FOSL2: variants seen among roughly 807,000 people sequenced by gnomAD.
FOSL2 encodes fos-related antigen 2.
Under a neutral mutation model 27.7 loss-of-function variants are expected in FOSL2, and 3 were observed. The ratio of observed to expected loss-of-function variants is 0.11; its 90% CI spans 0.05 to 0.28. The LOEUF (loss-of-function observed/expected upper bound fraction) is 0.28, where lower values mean the gene tolerates loss of function less well. Ranked by LOEUF, FOSL2 falls within the 10% of genes least tolerant of loss-of-function variation. FOSL2 has a pLI of 1.00. For synonymous variants in FOSL2, 179 were observed against 190.1 expected (o/e 0.94, Z 0.48); for missense variants, 333 against 445.1 (o/e 0.75, Z 2.27).
Position 28,397,395 on chromosome 2 carries a change from C to CT in FOSL2, c.102+3583dup, listed in dbSNP as rs550204314. On this transcript the variant is annotated intron_variant, in intron 1 of 3. Coordinates refer to ENST00000264716, the MANE Select transcript of FOSL2 (RefSeq NM_005253.4). ...GAGGCATAGATTAAGGGTCTGGGTG[C>CT]TTTTTTTTTTCCCCTTGATGTTACA... Among the ~76,000 whole-genome samples the CT allele has an allele frequency of 1.6e-3, 232 of 147,602 alleles. 1 individual carries two copies. Among genetic ancestry groups the CT allele is most frequent in the African/African-American group, 3.4e-3 (139 of 40,394 alleles).
At chr2:28,396,809 C>CAA (rs1663849529) in intron 1 of FOSL2, 1 of 150,408 alleles carries the variant, frequency 6.6e-6, no homozygotes, top group Non-Finnish European at 1.5e-5. Context: ...CACACACACA[C>CAA]ACACACACAC....
intron 1 of FOSL2, among the ~76,000 whole-genome samples, chr2:28,397,322 C>G (rs1396918886): frequency 1.3e-5 from 2 of 151,764 alleles, no homozygotes; most frequent in East Asian, 1.9e-4. Context: ...GCATGTTTTC[C>G]TATGTGCTTA....
At position 28,415,232 on chromosome 2, in the gene FOSL2, T is replaced by C. The variant is rs1273591959; in HGVS notation, c.*2784T>C. On this transcript the variant is annotated 3_prime_UTR_variant, in exon 4 of 4. Transcript: ENST00000264716. The stretch of plus-strand genomic sequence containing the variant: ...CAGGGCGGGCGCTCTGATCAGCTCG[T>C]GTAAAACACACCGTCTTCTTGGCCT... 3.3e-5 allele frequency: 5 copies of C among 152,388 alleles called. No homozygotes were observed. Among genetic ancestry groups the C allele is most frequent in the African/African-American group, 1.2e-4 (5 of 41,560 alleles). The allele number at this position is 152,388 out of a possible 1,614,324, so 9.4% of individuals were successfully genotyped here.
intron 3 of FOSL2, 140 bp from the exon 4 acceptor site, chr2:28,411,790 A>T: frequency 2.5e-6 from 2 of 813,296 alleles, no homozygotes; most frequent in South Asian, 1.6e-5. Context: ...TGACTGAGAG[A>T]CTCAGACCAG....
In FOSL2 at chr2:28,412,159, C is replaced by G; in HGVS notation, c.692C>G (p.Pro231Arg). ...CAGGAGCCCCTGGAAGAGGACAGCC[C>G]CTCGTCCTCGTCGGCGGGGCTGGAC... ...VKQEPLEEDS[P>R]SSSSAGLDKA... The change falls in exon 4 of 4, where the codon CCC becomes CGC. Residue 231 changes from proline to arginine, a missense_variant. Physicochemically the swap from Pro to Arg is moderately radical, Grantham distance 103. Around this residue, in one of 4 missense-constraint regions of FOSL2, gnomAD observed 136 missense variants for 123.7 expected, o/e 1.10. Transcript: ENST00000264716. This position sits in a 1 kb window ranked among gnomAD's most constrained non-coding sequence, Gnocchi z 7.1. The G allele has an allele frequency of 6.2e-7, 1 of 1,607,794 alleles. No homozygotes were observed. The highest frequency in any genetic ancestry group is 8.5e-7 in the Non-Finnish European group (1 of 1,176,346).
Position 28,412,258 on chromosome 2 carries a change from C to A in FOSL2, c.791C>A (p.Pro264His). The change falls in exon 4 of 4, where the codon CCC (proline) becomes CAC (histidine). Residue 264 changes from proline to histidine, a missense_variant. Coordinates refer to ENST00000264716, the MANE Select transcript of FOSL2 (RefSeq NM_005253.4). The surrounding 1 kb of genome is among the most constrained non-coding windows in gnomAD (Gnocchi z 7.1). ...GFYGEEPLHT[P>H]IVVTSTPAVT... is the part of the protein sequence containing the mutation. ...TACGGTGAGGAGCCCCTGCACACCCCCATCGTGGTGACCTCCACACCTGCT... is the reference window on the plus strand; with the variant it reads ...TACGGTGAGGAGCCCCTGCACACCCACATCGTGGTGACCTCCACACCTGCT... 2 of 1,614,024 alleles carry A rather than the reference C, an allele frequency of 1.2e-6. No homozygotes were observed. Among genetic ancestry groups the A allele is most frequent in the South Asian group, 1.1e-5 (1 of 91,082 alleles).
Position 28,396,813 on chromosome 2 carries a change from C to CACACACACACACACAA in FOSL2, c.102+3006_102+3007insAACACACACACACACA, listed in dbSNP as rs1553376561. 29 of 148,494 alleles carry CACACACACACACACAA rather than the reference C, an allele frequency of 2.0e-4. 1 individual carries two copies. Among genetic ancestry groups the CACACACACACACACAA allele is most frequent in the African/African-American group, 6.8e-4 (26 of 38,084 alleles). The allele number at this position is 148,494 out of a possible 1,614,324, so 9.2% of individuals were successfully genotyped here. On this transcript the variant is annotated intron_variant, in intron 1 of 3. Transcript: ENST00000264716. ...AGACACACACACACACACACACACACACACACACACACACACACACACACA... is the reference window on the plus strand; with the variant it reads ...AGACACACACACACACACACACACACACACACACACACACAAACACACACACACACACACACACACA...
chr2:28,393,473 G>C lies in FOSL2; in HGVS notation c.-248G>C. ...ACTTTTTAGAGGGAGGGATCGGGTGGACAACTGGTCCCGCGGCGCTCGCAG... is the reference window on the plus strand; with the variant it reads ...ACTTTTTAGAGGGAGGGATCGGGTGCACAACTGGTCCCGCGGCGCTCGCAG... On this transcript the variant is annotated 5_prime_UTR_variant, in exon 1 of 4. Transcript: ENST00000264716. This position sits in a 1 kb window ranked among gnomAD's most constrained non-coding sequence, Gnocchi z 4.6. The C allele has an allele frequency of 2.1e-6, 1 of 473,754 alleles. No individual in the cohort carries two copies. Among genetic ancestry groups the C allele is most frequent in the Non-Finnish European group, 3.7e-6 (1 of 266,794 alleles). The allele number at this position is 473,754 out of a possible 1,614,324, so 29.3% of individuals were successfully genotyped here.
rs1664229301 is a variant in FOSL2 at position 28,412,719 on chromosome 2, T to C, written c.*271T>C. The C allele has an allele frequency of 4.2e-6, 2 of 473,080 alleles. No homozygotes were observed. Among genetic ancestry groups the C allele is most frequent in the African/African-American group, 3.8e-5 (2 of 52,176 alleles). The allele number at this position is 473,080 out of a possible 1,614,324, so 29.3% of individuals were successfully genotyped here. A position where few individuals can be genotyped will look rare whatever the true frequency, so the allele number is the denominator to read the frequency against. On this transcript the variant is annotated 3_prime_UTR_variant, in exon 4 of 4. Transcript: ENST00000264716. The surrounding 1 kb of genome is among the most constrained non-coding windows in gnomAD (Gnocchi z 7.1). Reference sequence around the variant, plus strand: ...CCTTGGAGAACTCGGTTTGGTAGACTTGGACATCTCTCTGGCTTCTGAAGA... The same window carrying C: ...CCTTGGAGAACTCGGTTTGGTAGACCTGGACATCTCTCTGGCTTCTGAAGA...
intron 1 of FOSL2, chr2:28,397,011 CAG>C (rs1336940552): frequency 6.6e-6 from 1 of 152,104 alleles, no homozygotes; most frequent in Non-Finnish European, 1.5e-5. Context: ...TTTCCAGTCC[CAG>C]AGAGTGTTAA....
At chr2:28,398,050 C>T (rs79600001) in intron 1 of FOSL2, among the ~76,000 whole-genome samples, 198 of 152,216 alleles carry the variant, frequency 1.3e-3, no homozygotes, top group African/African-American at 4.0e-3. Context: ...GCACCTTTGC[C>T]GTCAATAACT....
In FOSL2 at chr2:28,413,842, G is replaced by C; in HGVS notation, c.*1394G>C. ...GGCTTGTGGCTCATGCGCCATTCCTGGTTGTCTGTTGAATCTTTCTGGCTG... is the reference window on the plus strand; with the variant it reads ...GGCTTGTGGCTCATGCGCCATTCCTCGTTGTCTGTTGAATCTTTCTGGCTG... On this transcript the variant is annotated 3_prime_UTR_variant, in exon 4 of 4. Coordinates refer to ENST00000264716, the MANE Select transcript of FOSL2 (RefSeq NM_005253.4). 2.5e-6 allele frequency: 1 copy of C among 398,866 alleles called. No homozygotes were observed. Among genetic ancestry groups the C allele is most frequent in the Non-Finnish European group, 4.4e-6 (1 of 226,248 alleles). The allele number at this position is 398,866 out of a possible 1,614,324, so 24.7% of individuals were successfully genotyped here.
chr2:28,409,259 C>T (rs1412989275), intron 3 of FOSL2, among the ~76,000 whole-genome samples: 4 of 152,170 alleles, frequency 2.6e-5, no homozygotes, highest in Non-Finnish European at 4.4e-5. Flanking sequence ...GAGGTTCCAG[C>T]CACTCCCATG....
chr2:28,398,329 T>C (rs1269546839), intron 1 of FOSL2, among the ~76,000 whole-genome samples: 1 of 152,154 alleles, frequency 6.6e-6, no homozygotes, highest in African/African-American at 2.4e-5. Context: ...AGAGGGAAGG[T>C]ATAAGATTTC....
Position 28,413,342 on chromosome 2 carries a change from G to C in FOSL2, c.*894G>C. 2 of 397,438 alleles carry C rather than the reference G, an allele frequency of 5.0e-6. No homozygotes were observed. The highest frequency in any genetic ancestry group is 4.4e-6 in the Non-Finnish European group (1 of 225,932). 24.6% of individuals were successfully genotyped at this position (397,438 alleles called of 1,614,324 possible). A position where few individuals can be genotyped will look rare whatever the true frequency, so the allele number is the denominator to read the frequency against. On this transcript the variant is annotated 3_prime_UTR_variant, in exon 4 of 4. Coordinates refer to ENST00000264716, the MANE Select transcript of FOSL2 (RefSeq NM_005253.4). ...GAGTAGGGCGTCTCCTGTAATTACT[G>C]CCTTGCCATTCTGCCCCTGGACCCT... is the stretch of plus-strand genomic sequence containing the variant.
At position 28,399,726 on chromosome 2, in the gene FOSL2, G is replaced by C. The variant is rs186810310; in HGVS notation, c.103-4381G>C. Among the ~76,000 whole-genome samples, 16 of 152,268 alleles carry C rather than the reference G, an allele frequency of 1.1e-4. No homozygotes were observed. The East Asian group carries it at 2.9e-3, about 28-fold the overall frequency. On this transcript the variant is annotated intron_variant, in intron 1 of 3. Coordinates refer to ENST00000264716, the MANE Select transcript of FOSL2 (RefSeq NM_005253.4). Reference sequence around the variant, plus strand: ...GACTTTTTGCTTTCTTATTTCCTCTGTATTCGTTTCCCTCCAACCTGAGCA... The same window carrying C: ...GACTTTTTGCTTTCTTATTTCCTCTCTATTCGTTTCCCTCCAACCTGAGCA...
Position 28,412,257 on chromosome 2 carries a change from C to T in FOSL2, c.790C>T (p.Pro264Ser), listed in dbSNP as rs752720566. Reference protein sequence around the residue: ...GFYGEEPLHTPIVVTSTPAVT... With the variant: ...GFYGEEPLHTSIVVTSTPAVT... ...CTACGGTGAGGAGCCCCTGCACACC[C>T]CCATCGTGGTGACCTCCACACCTGC... The change falls in exon 4 of 4, where the codon CCC becomes TCC. Residue 264 changes from proline (P) to serine (S), a missense_variant. Physicochemically the swap from Pro to Ser is moderately conservative, Grantham distance 74. This residue lies in a region of FOSL2 where 136 missense variants were observed against 123.7 expected (regional missense o/e 1.10). Coordinates refer to ENST00000264716, the MANE Select transcript of FOSL2 (RefSeq NM_005253.4). The surrounding 1 kb of genome is among the most constrained non-coding windows in gnomAD (Gnocchi z 7.1). The T allele has an allele frequency of 3.7e-6, 6 of 1,613,908 alleles. No individual in the cohort carries two copies. Among genetic ancestry groups the T allele is most frequent in the Admixed American group, 3.3e-5 (2 of 60,010 alleles).
chr2:28,399,835 C>T (rs867894995), intron 1 of FOSL2, among the ~76,000 whole-genome samples: 59 of 152,286 alleles, frequency 3.9e-4, no homozygotes, highest in African/African-American at 1.3e-3. Context: ...GTGGCACAGT[C>T]CTGCCTATTT....
At chr2:28,403,837 C>T (rs1029968074) in intron 1 of FOSL2, among the ~76,000 whole-genome samples, 1 of 152,210 alleles carries the variant, frequency 6.6e-6, no homozygotes, top group East Asian at 1.9e-4. Context: ...TGGAATAGGA[C>T]AGTATCCTCA....
Sources: allele counts gnomAD v4.1 joint callset (sites outside exome capture counted in the v4.1 genomes callset), GRCh38; gene constraint gnomAD v4.1.1; regional missense constraint gnomAD v4.1.1; non-coding constraint Gnocchi (gnomAD v3.1); transcripts MANE v1.5; gene names NCBI Gene and HGNC (gene_info 2026-07-23, HGNC 2026-07-21).